The following SLC5A1 variants were observed in gnomAD, a reference collection of about 807,000 sequenced individuals.
The protein encoded by SLC5A1 is sodium/glucose cotransporter 1.
Under a neutral mutation model 73.5 loss-of-function variants are expected in SLC5A1, and 42 were observed. The observed-to-expected ratio is 0.57, with a 90% confidence interval of 0.45 to 0.74. The LOEUF (loss-of-function observed/expected upper bound fraction) is 0.74, where lower values mean the gene tolerates loss of function less well. SLC5A1 is among the 30% of genes least tolerant of loss of function. The pLI is 0.00. For missense variants in SLC5A1, 634 were observed against 855.4 expected (o/e 0.74, Z 3.23); for synonymous variants, 300 against 317.4 (o/e 0.95, Z 0.58).
rs1438968641 is a variant in SLC5A1 at position 32,111,493 on chromosome 22, C to T, written c.*1280C>T. The T allele has an allele frequency of 1.3e-5, 2 of 152,150 alleles. No homozygotes were observed. The highest frequency in any genetic ancestry group is 2.1e-4 in the South Asian group (1 of 4,832). The allele number at this position is 152,150 out of a possible 1,614,324, so 9.4% of individuals were successfully genotyped here. On this transcript the variant is annotated 3_prime_UTR_variant, in exon 15 of 15. Transcript: ENST00000266088. ...TCAGCAAGTGAGTCTTGAAGAGATACTAAACAAACCCACAACACAGATAAA... is the reference window on the plus strand; with the variant it reads ...TCAGCAAGTGAGTCTTGAAGAGATATTAAACAAACCCACAACACAGATAAA...
chr22:32,073,346 T>G (rs1246859401), intron 5 of SLC5A1, among the ~76,000 whole-genome samples: 1 of 152,206 alleles, frequency 6.6e-6, no homozygotes, highest in African/African-American at 2.4e-5. Flanking sequence ...TTCACTGAAC[T>G]TGGTGAAAAC....
intron 11 of SLC5A1, among the ~76,000 whole-genome samples, chr22:32,093,082 T>G (rs913473315): frequency 6.6e-6 from 1 of 152,190 alleles, no homozygotes; most frequent in Non-Finnish European, 1.5e-5. Flanking sequence ...TTTATATTTT[T>G]GTTTGGTTTG....
chr22:32,062,319 C>T (rs2093964446), intron 2 of SLC5A1, among the ~76,000 whole-genome samples: 1 of 152,188 alleles, frequency 6.6e-6, no homozygotes, highest in African/African-American at 2.4e-5. Context: ...TCTCCCCTCC[C>T]ACCAACCTTC....
chr22:32,071,294 A>T (rs1308075609), intron 5 of SLC5A1, among the ~76,000 whole-genome samples: 1 of 152,192 alleles, frequency 6.6e-6, no homozygotes, highest in Non-Finnish European at 1.5e-5. Flanking sequence ...TCTACAAAAA[A>T]TAAAAAATAT....
At position 32,084,926 on chromosome 22, in the gene SLC5A1, C is replaced by G. The variant is rs561068749; in HGVS notation, c.912C>G (p.Ala304=). Residue 304 remains alanine (A), a synonymous_variant, in exon 9 of 15, where the codon GCC becomes GCG. Transcript: ENST00000266088. Reference sequence around the variant, plus strand: ...TCATTGTGCAGCGCTGCCTCTCAGCCAAGAATATGTCTCACGTGAAGGGTG... The same window carrying G: ...TCATTGTGCAGCGCTGCCTCTCAGCGAAGAATATGTCTCACGTGAAGGGTG... ...DQVIVQRCLS[A]KNMSHVKGGC... is the part of the protein sequence containing the mutation. 1.2e-6 allele frequency: 2 copies of G among 1,614,202 alleles called. No homozygotes were observed. Among genetic ancestry groups the G allele is most frequent in the South Asian group, 2.2e-5 (2 of 91,076 alleles).
intron 2 of SLC5A1, among the ~76,000 whole-genome samples, chr22:32,060,142 C>CT (rs1569302235): frequency 5.9e-4 from 11 of 18,568 alleles, no homozygotes; most frequent in African/African-American, 1.1e-3. Flanking sequence ...TATATATACA[C>CT]ATACACACAC....
At position 32,067,968 on chromosome 22, in the gene SLC5A1, C is replaced by T; in HGVS notation, c.314C>T (p.Ala105Val). The change falls in exon 4 of 15, where the codon GCC becomes GTC. Residue 105 changes from alanine (A) to valine (V), a missense_variant and splice_region_variant. By Grantham distance (64) the Ala-to-Val change is moderately conservative. Transcript: ENST00000266088. ...GTCCACCTTTTGTGTTCATTTCAGG[C>T]CCTGGTTTTGGTGGTTGTGCTGGGC... ...GIAIGGFEWN[A>V]LVLVVVLGWL... 6.2e-7 allele frequency: 1 copy of T among 1,614,118 alleles called. No individual in the cohort carries two copies. The highest frequency in any genetic ancestry group is 8.5e-7 in the Non-Finnish European group (1 of 1,180,008).
chr22:32,094,535 T>A (rs981385818), intron 11 of SLC5A1, among the ~76,000 whole-genome samples: 1 of 152,184 alleles, frequency 6.6e-6, no homozygotes, highest in Non-Finnish European at 1.5e-5. Context: ...AATGGTCTGT[T>A]CAGGGTATCT....
chr22:32,083,273 T>G, intron 7 of SLC5A1, 119 bp downstream of exon 7: 1 of 807,062 alleles, frequency 1.2e-6, no homozygotes, highest in South Asian at 1.6e-5. Flanking sequence ...TGAGGCATGC[T>G]CTGCCCTTCC....
chr22:32,050,678 A>G (rs2093943986), intron 2 of SLC5A1, among the ~76,000 whole-genome samples: 1 of 152,232 alleles, frequency 6.6e-6, no homozygotes, highest in Non-Finnish European at 1.5e-5. Flanking sequence ...TGAAAACTGA[A>G]TGAGGCCCAG....
At chr22:32,067,353 TA>T (rs1342551755) in intron 3 of SLC5A1, among the ~76,000 whole-genome samples, 3 of 149,856 alleles carry the variant, frequency 2.0e-5, no homozygotes, top group African/African-American at 4.8e-5. Flanking sequence ...TTATTATTAT[TA>T]TTTTTTTTAA....
At chr22:32,071,717 AT>A (rs1476579010) in intron 5 of SLC5A1, among the ~76,000 whole-genome samples, 2 of 152,036 alleles carry the variant, frequency 1.3e-5, no homozygotes, top group African/African-American at 4.8e-5. Flanking sequence ...CAAAGGCGAG[AT>A]TGGTCCAATC....
intron 5 of SLC5A1, among the ~76,000 whole-genome samples, chr22:32,070,922 A>G (rs1246062074): frequency 6.6e-6 from 1 of 152,236 alleles, no homozygotes; most frequent in Admixed American, 6.5e-5. Context: ...GATAAGGAAT[A>G]AGAGAAAGAA....
chr22:32,060,052 CAT>C (rs1184166773), intron 2 of SLC5A1, among the ~76,000 whole-genome samples: 2,795 of 115,586 alleles, frequency 0.024, 92 homozygotes, highest in African/African-American at 0.078. Flanking sequence ...CACACACACA[CAT>C]ATATACACAC....
chr22:32,080,360 C>T (rs1416398889), intron 5 of SLC5A1, among the ~76,000 whole-genome samples: 1 of 152,110 alleles, frequency 6.6e-6, no homozygotes, highest in Admixed American at 6.5e-5. Context: ...CGTGTTAGCT[C>T]AGAAGCATGG....
chr22:32,045,977 T>A (rs2093936632), intron 1 of SLC5A1, among the ~76,000 whole-genome samples: 1 of 152,200 alleles, frequency 6.6e-6, no homozygotes, highest in Non-Finnish European at 1.5e-5. Flanking sequence ...TATGAAGAAT[T>A]TGCAGTAGAG....
chr22:32,068,646 C>G (rs2093978087), intron 5 of SLC5A1, 46 bp downstream of exon 5: 1 of 1,266,870 alleles, frequency 7.9e-7, no homozygotes, highest in Admixed American at 1.7e-5. Flanking sequence ...GAAGCTGCCA[C>G]TCTCATTCCT....
At chr22:32,089,867 A>T (rs1490573157) in intron 10 of SLC5A1, among the ~76,000 whole-genome samples, 3 of 152,186 alleles carry the variant, frequency 2.0e-5, no homozygotes, top group African/African-American at 7.2e-5. Context: ...TAGCCTCAGC[A>T]GGTGTCCCCC....
chr22:32,104,920 A>G, intron 14 of SLC5A1, 29 bp downstream of exon 14: 2 of 1,489,600 alleles, frequency 1.3e-6, no homozygotes, highest in Non-Finnish European at 1.9e-6. Context: ...CAGATCCTAA[A>G]CCATAAAAGT....
Sources: gnomAD v4.1 joint callset for allele counts (sites outside exome capture counted in the v4.1 genomes callset) on GRCh38, gnomAD v4.1.1 for gene constraint, MANE v1.5 for transcripts, NCBI Gene and HGNC (gene_info 2026-07-23, HGNC 2026-07-21) for gene names.